Variants in GPHN observed in about 807,000 individuals in gnomAD.
The protein encoded by GPHN is gephyrin.
Under a neutral mutation model 95.5 loss-of-function variants are expected in GPHN, and 17 were observed. The observed-to-expected ratio is 0.18, with a 90% confidence interval of 0.12 to 0.27. GPHN has a LOEUF of 0.27. Ranked by LOEUF, GPHN falls within the 10% of genes least tolerant of loss-of-function variation. GPHN has a pLI of 1.00. For missense variants in GPHN, 660 were observed against 978.1 expected, an observed-to-expected ratio of 0.67 and a Z score of 4.34; for synonymous variants, 320 against 322.5, an observed-to-expected ratio of 0.99 and a Z score of 0.08.
intron 1 of GPHN, among the ~76,000 whole-genome samples, chr14:66,545,912 T>G (rs2059571644): frequency 6.7e-6 from 1 of 149,098 alleles, no homozygotes; most frequent in South Asian, 2.1e-4. Flanking sequence ...TAGCGGTGGG[T>G]GACCTCCACC....
chr14:66,903,006 G>A (rs1322541715), intron 5 of GPHN, among the ~76,000 whole-genome samples: 1 of 152,034 alleles, frequency 6.6e-6, no homozygotes, highest in Non-Finnish European at 1.5e-5. Flanking sequence ...TAGAAGAAAT[G>A]GATAAATTCC....
the GPHN span, among the ~76,000 whole-genome samples, chr14:67,581,305 T>A: frequency 6.7e-6 from 1 of 149,682 alleles, no homozygotes. Context: ...CACACAAACA[T>A]CTGCCAAGAA....
intron 4 of GPHN, among the ~76,000 whole-genome samples, chr14:66,874,024 A>G (rs545270954): frequency 6.6e-6 from 1 of 152,290 alleles, no homozygotes; most frequent in South Asian, 2.1e-4. Flanking sequence ...CATCAGGTGA[A>G]TGCCGCTCTG....
chr14:66,768,225 A>C (rs1375241606), intron 2 of GPHN, among the ~76,000 whole-genome samples: 1 of 151,964 alleles, frequency 6.6e-6, no homozygotes, highest in Non-Finnish European at 1.5e-5. Flanking sequence ...TTTGGTATAT[A>C]CATGCAAGAC....
the GPHN span, among the ~76,000 whole-genome samples, chr14:67,351,576 A>G: frequency 6.6e-6 from 1 of 152,202 alleles, no homozygotes; most frequent in Non-Finnish European, 1.5e-5. Flanking sequence ...TGGTGTAATC[A>G]TAGCTCACTG....
At chr14:67,682,566 A>T in the GPHN span, among the ~76,000 whole-genome samples, 1 of 152,238 alleles carries the variant, frequency 6.6e-6, no homozygotes, top group Non-Finnish European at 1.5e-5. Flanking sequence ...CTTCATACTC[A>T]CTAGGATGGC....
chr14:67,449,783 C>T, the GPHN span, among the ~76,000 whole-genome samples: 28 of 152,106 alleles, frequency 1.8e-4, no homozygotes, highest in Admixed American at 1.3e-4. Context: ...ATGGGTCTCA[C>T]GAGATCTGAT....
intron 1 of GPHN, among the ~76,000 whole-genome samples, chr14:66,600,262 T>G (rs1199451654): frequency 6.6e-6 from 1 of 152,240 alleles, no homozygotes; most frequent in Non-Finnish European, 1.5e-5. Context: ...TTATTTTTAT[T>G]TTATTCAGGC....
chr14:67,348,896 G>T, the GPHN span: 4 of 780,800 alleles, frequency 5.1e-6, no homozygotes, highest in Admixed American at 2.9e-5. Flanking sequence ...GGTTGTTAAT[G>T]ATTTTAACAT....
chr14:66,784,358 G>A (rs1453250696), intron 3 of GPHN, among the ~76,000 whole-genome samples: 1 of 152,026 alleles, frequency 6.6e-6, no homozygotes. Flanking sequence ...ATACTCAAAC[G>A]CGAAAACTAA....
chr14:66,639,886 G>A (rs1255959494), intron 1 of GPHN, among the ~76,000 whole-genome samples: 3 of 152,042 alleles, frequency 2.0e-5, no homozygotes, highest in East Asian at 1.9e-4. Context: ...GCCATTGGGA[G>A]ATTTTATATG....
the GPHN span, among the ~76,000 whole-genome samples, chr14:67,284,912 A>G: frequency 6.6e-6 from 1 of 151,834 alleles, no homozygotes; most frequent in East Asian, 1.9e-4. Context: ...AAAAATTTTT[A>G]TTTTTATTTT....
chr14:67,706,469 G>A, the GPHN span, among the ~76,000 whole-genome samples: 3 of 152,158 alleles, frequency 2.0e-5, no homozygotes, highest in Non-Finnish European at 2.9e-5. Context: ...AGGGAGACAC[G>A]GGACATCAAT....
At chr14:66,907,456 G>C (rs1188953935) in intron 5 of GPHN, among the ~76,000 whole-genome samples, 1 of 152,128 alleles carries the variant, frequency 6.6e-6, no homozygotes, top group African/African-American at 2.4e-5. Flanking sequence ...AAGCTGAACA[G>C]ATTTTTTAGA....
intron 2 of GPHN, among the ~76,000 whole-genome samples, chr14:66,701,788 G>A (rs1425847368): frequency 6.6e-6 from 1 of 152,108 alleles, no homozygotes; most frequent in African/African-American, 2.4e-5. Context: ...GGGGGGAGGG[G>A]CGACCAACAC....
chr14:67,464,457 C>G, the GPHN span, among the ~76,000 whole-genome samples: 6 of 152,202 alleles, frequency 3.9e-5, no homozygotes, highest in South Asian at 1.0e-3. Flanking sequence ...CAGAGCCCTA[C>G]AGGCTCTGAC....
the GPHN span, chr14:67,189,650 T>G: frequency 6.6e-6 from 1 of 152,112 alleles, no homozygotes; most frequent in African/African-American, 2.4e-5. Flanking sequence ...TTCTGGTAAT[T>G]CGAGGGCAGA....
chr14:67,278,341 C>CTTTT, the GPHN span, among the ~76,000 whole-genome samples: 3 of 138,246 alleles, frequency 2.2e-5, no homozygotes, highest in Non-Finnish European at 4.8e-5. Context: ...CGGCCCAATT[C>CTTTT]TTTTTTTTTT....
At chr14:67,188,805 CTT>C in the GPHN span, among the ~76,000 whole-genome samples, 1 of 151,056 alleles carries the variant, frequency 6.6e-6, no homozygotes, top group African/African-American at 2.5e-5. Context: ...TTCCTTCCTT[CTT>C]CCTTTCTTTT....
Sources: allele counts gnomAD v4.1 joint callset (sites outside exome capture counted in the v4.1 genomes callset), GRCh38; gene constraint gnomAD v4.1.1; transcripts MANE v1.5; gene names NCBI Gene and HGNC (gene_info 2026-07-23, HGNC 2026-07-21).